Variants in SCLT1 observed in about 807,000 individuals in gnomAD.
SCLT1 encodes the protein sodium channel-associated protein 1.
Under a neutral mutation model 112.8 loss-of-function variants are expected in SCLT1, and 78 were observed. The ratio of observed to expected loss-of-function variants is 0.69; its 90% confidence interval spans 0.58 to 0.83. SCLT1 has a LOEUF of 0.83. Among genes scored for constraint, SCLT1 ranks in the 40% least tolerant of loss-of-function variants. The pLI is 0.00. For missense variants in SCLT1, 747 were observed against 770.4 expected (o/e 0.97, Z 0.36); for synonymous variants, 257 against 254.7 (o/e 1.01, Z -0.09).
intron 2 of SCLT1, among the ~76,000 whole-genome samples, chr4:129,059,184 G>A (rs1413924742): frequency 6.6e-6 from 1 of 152,102 alleles, no homozygotes; most frequent in Non-Finnish European, 1.5e-5. Flanking sequence ...CAGGTGAAGT[G>A]AGTTTGTTGT....
intron 2 of SCLT1, among the ~76,000 whole-genome samples, chr4:129,069,079 G>A (rs1215576969): frequency 6.6e-6 from 1 of 152,098 alleles, no homozygotes; most frequent in African/African-American, 2.4e-5. Flanking sequence ...ATATCAGTTG[G>A]CTCTAAGTAT....
intron 5 of SCLT1, among the ~76,000 whole-genome samples, chr4:129,027,574 T>A (rs1402335398): frequency 1.3e-5 from 2 of 152,242 alleles, no homozygotes; most frequent in South Asian, 2.1e-4. Context: ...AATATCATAC[T>A]GAATGGGCAA....
chr4:129,003,667 A>C, intron 6 of SCLT1, 74 bp downstream of exon 6: 1 of 1,171,844 alleles, frequency 8.5e-7, no homozygotes, highest in Non-Finnish European at 1.2e-6. Context: ...GTTATCCATA[A>C]ATAATGATTA....
chr4:129,043,878 C>A (rs1046535591), intron 3 of SCLT1, 115 bp downstream of exon 3: 4 of 631,172 alleles, frequency 6.3e-6, no homozygotes, highest in South Asian at 6.1e-5. Flanking sequence ...AATTCAAGAA[C>A]AAAGCATTTA....
chr4:128,938,719 T>C (rs1737420833), intron 17 of SCLT1, among the ~76,000 whole-genome samples: 1 of 152,176 alleles, frequency 6.6e-6, no homozygotes, highest in Non-Finnish European at 1.5e-5. Context: ...TGGTGGCTTA[T>C]GCCTGTAATC....
intron 10 of SCLT1, among the ~76,000 whole-genome samples, chr4:128,966,931 G>T (rs893729599): frequency 4.6e-5 from 7 of 151,618 alleles, no homozygotes; most frequent in Non-Finnish European, 8.8e-5. Flanking sequence ...TGTATCGGGG[G>T]TTTGGTATAC....
intron 18 of SCLT1, among the ~76,000 whole-genome samples, chr4:128,920,344 T>G (rs140558740): frequency 7.9e-5 from 12 of 152,132 alleles, no homozygotes; most frequent in African/African-American, 2.7e-4. Flanking sequence ...TGGGCTGGAG[T>G]GTAGTGGCAC....
Position 129,019,181 on chromosome 4 carries a change from T to C in SCLT1, c.291-15305A>G, listed in dbSNP as rs186787703. ...AAACTGAGTTCCATATAAATTCAGG[T>C]ACTAATACCAAGAAAATTACCCAGG... On this transcript the variant is annotated intron_variant, in intron 5 of 20. Transcript: ENST00000281142. 4.8e-3 allele frequency among the ~76,000 whole-genome samples: 733 copies of C among 152,256 alleles called. 6 individuals are homozygous for C. The highest frequency in any genetic ancestry group is 0.017 in the African/African-American group (696 of 41,558).
At chr4:128,940,687 C>A (rs996178644) in intron 17 of SCLT1, among the ~76,000 whole-genome samples, 1 of 150,992 alleles carries the variant, frequency 6.6e-6, no homozygotes, top group African/African-American at 2.4e-5. Context: ...TAAATAAAAG[C>A]AATTATGTAG....
intron 20 of SCLT1, among the ~76,000 whole-genome samples, chr4:128,885,866 T>C (rs557204930): frequency 1.8e-4 from 28 of 152,346 alleles, no homozygotes; most frequent in African/African-American, 5.8e-4. Flanking sequence ...ATTTGTCTTA[T>C]AGGTGAGGAT....
intron 18 of SCLT1, among the ~76,000 whole-genome samples, chr4:128,924,468 A>G (rs531407056): frequency 6.1e-4 from 93 of 151,974 alleles, no homozygotes; most frequent in African/African-American, 1.8e-3. Context: ...CGGGGGTTTC[A>G]TCTTGTTAGC....
chr4:129,006,917 C>T (rs1435490157), intron 5 of SCLT1, among the ~76,000 whole-genome samples: 1 of 152,186 alleles, frequency 6.6e-6, no homozygotes, highest in Non-Finnish European at 1.5e-5. Flanking sequence ...CTAAGAATCG[C>T]CTTAGTGGCA....
rs531115010 is a variant in SCLT1 at position 129,034,240 on chromosome 4, T to G, written c.290+4801A>C. Among the ~76,000 whole-genome samples, 15 of 152,218 alleles carry G rather than the reference T, an allele frequency of 9.9e-5. No homozygotes were observed. In the South Asian group the frequency reaches 3.1e-3, roughly 32 times the overall value. On this transcript the variant is annotated intron_variant, in intron 5 of 20. Coordinates refer to ENST00000281142, the MANE Select transcript of SCLT1 (RefSeq NM_144643.4). ...AAATTTCAAATAGATAATAAACATTTACTATACTGTATTCATAGGATATTG... is the reference window on the plus strand; with the variant it reads ...AAATTTCAAATAGATAATAAACATTGACTATACTGTATTCATAGGATATTG...
intron 2 of SCLT1, among the ~76,000 whole-genome samples, chr4:129,069,883 T>C (rs1163672689): frequency 6.6e-6 from 1 of 152,194 alleles, no homozygotes; most frequent in Non-Finnish European, 1.5e-5. Flanking sequence ...ATTAGTTGGC[T>C]GTGGGTTTGT....
chr4:128,993,404 T>A (rs1323205803), intron 8 of SCLT1, among the ~76,000 whole-genome samples: 1 of 152,086 alleles, frequency 6.6e-6, no homozygotes, highest in Non-Finnish European at 1.5e-5. Context: ...GCCTTGGCAC[T>A]AGCATAATTA....
At chr4:128,977,143 A>G (rs1741247393) in intron 9 of SCLT1, among the ~76,000 whole-genome samples, 1 of 152,190 alleles carries the variant, frequency 6.6e-6, no homozygotes, top group Non-Finnish European at 1.5e-5. Flanking sequence ...TCTGAGAGAG[A>G]TGGTGTAGAT....
At chr4:129,076,710 T>A (rs1751495770) in intron 2 of SCLT1, among the ~76,000 whole-genome samples, 1 of 151,998 alleles carries the variant, frequency 6.6e-6, no homozygotes, top group Non-Finnish European at 1.5e-5. Flanking sequence ...AATAAAGGAC[T>A]GGGAAAAAGG....
In SCLT1 at chr4:128,921,753, A is replaced by C. The variant is rs556932498; in HGVS notation, c.1829+14902T>G. On this transcript the variant is annotated intron_variant, in intron 18 of 20. Coordinates refer to ENST00000281142, the MANE Select transcript of SCLT1 (RefSeq NM_144643.4). The stretch of plus-strand genomic sequence containing the variant: ...AGGCCCTGGCAAAGATTTTATGATG[A>C]AGACTCCAAGACCAATTGCAACAAA... 2.6e-4 allele frequency among the ~76,000 whole-genome samples: 40 copies of C among 152,310 alleles called. 1 individual carries two copies. In the South Asian group the frequency reaches 7.0e-3, roughly 27 times the overall value.
In SCLT1 at chr4:128,946,090, T is replaced by A. The variant is rs754406001; in HGVS notation, c.1356A>T (p.Arg452Ser). ...DYRKLEEMHQRFLVSERSKDD... is the reference protein window; with the variant it reads ...DYRKLEEMHQSFLVSERSKDD... ...CTTTTGAACGCTCTGAAACCAGGAA[T>A]CTTTGGTGCATTTCTTCCAGTTTTC... Residue 452 changes from arginine to serine, a missense_variant, in exon 16 of 21, where the codon AGA (arginine) becomes AGT (serine). Coordinates refer to ENST00000281142, the MANE Select transcript of SCLT1 (RefSeq NM_144643.4). The A allele has an allele frequency of 6.2e-7, 1 of 1,609,540 alleles. No individual in the cohort carries two copies. The highest frequency in any genetic ancestry group is 2.2e-5 in the East Asian group (1 of 44,774).
Sources: gnomAD v4.1 joint callset for allele counts (sites outside exome capture counted in the v4.1 genomes callset) on GRCh38, gnomAD v4.1.1 for gene constraint, MANE v1.5 for transcripts, NCBI Gene and HGNC (gene_info 2026-07-23, HGNC 2026-07-21) for gene names.